The following ST3GAL6 variants were observed in gnomAD, a reference collection of about 807,000 sequenced individuals.
ST3GAL6 encodes the protein ST3 beta-galactoside alpha-2,3-sialyltransferase 6.
ST3GAL6 carries 31 observed loss-of-function variants against 40.5 expected under a neutral mutation model. That is an observed-to-expected ratio of 0.77 (90% CI 0.58 to 1.03). The LOEUF is 1.03. Ranked by LOEUF, ST3GAL6 falls within the 50% of genes least tolerant of loss-of-function variation. The pLI is 0.00. For synonymous variants in ST3GAL6, 129 were observed against 136.9 expected, an observed-to-expected ratio of 0.94 and a Z score of 0.40; for missense variants, 357 against 393.2, an observed-to-expected ratio of 0.91 and a Z score of 0.78.
intron 1 of ST3GAL6, chr3:98,756,562 A>C: frequency 1.6e-6 from 2 of 1,214,980 alleles, no homozygotes; most frequent in East Asian, 5.7e-5. Flanking sequence ...CAACACCACC[A>C]TTGTCTCAAA....
chr3:98,778,539 G>C (rs1939768621), intron 5 of ST3GAL6, among the ~76,000 whole-genome samples: 1 of 152,210 alleles, frequency 6.6e-6, no homozygotes, highest in African/African-American at 2.4e-5. Context: ...CATTTGTGGT[G>C]AATATGCAGA....
At chr3:98,756,529 T>G in intron 1 of ST3GAL6, 1 of 1,263,676 alleles carries the variant, frequency 7.9e-7, no homozygotes, top group Non-Finnish European at 1.0e-6. Context: ...ACACAGATTC[T>G]TAAAAGTGCA....
intron 3 of ST3GAL6, 47 bp from the exon 4 acceptor site, chr3:98,772,766 A>C: frequency 7.6e-7 from 1 of 1,312,408 alleles, no homozygotes; most frequent in Non-Finnish European, 1.1e-6. Flanking sequence ...AAAGCTTGCA[A>C]ATATAGTAGG....
At chr3:98,746,696 AT>A (rs889688623) in intron 1 of ST3GAL6, among the ~76,000 whole-genome samples, 1 of 152,016 alleles carries the variant, frequency 6.6e-6, no homozygotes, top group African/African-American at 2.4e-5. Flanking sequence ...TATTTTTTTA[AT>A]TTTTAAAAAT....
rs1294579662 is a variant in ST3GAL6, at chr3:98,791,990, T to A, written c.906T>A (p.Asn302Lys). The A allele has an allele frequency of 6.2e-7, 1 of 1,612,802 alleles. No homozygotes were observed. Among genetic ancestry groups the A allele is most frequent in the African/African-American group, 1.3e-5 (1 of 74,888 alleles). Residue 302 changes from asparagine to lysine, a missense_variant, in exon 9 of 10, where the codon AAT becomes AAA. Transcript: ENST00000483910. ...GGAATGCCACCATGTCTTTGATGAA[T>A]AAGGTAATATACTGTACTTTAGGTA... Reference protein sequence around the residue: ...YYGNATMSLMNKNAYHNVTAE... With the variant: ...YYGNATMSLMKKNAYHNVTAE...
intron 3 of ST3GAL6, 136 bp downstream of exon 3, chr3:98,771,092 G>C (rs558168189): frequency 2.7e-6 from 4 of 1,502,682 alleles, no homozygotes; most frequent in Middle Eastern, 3.4e-4. Context: ...GGAAGAGCTT[G>C]AATATCCTGT....
chr3:98,738,971 A>G (rs1424739149), intron 1 of ST3GAL6, among the ~76,000 whole-genome samples: 2 of 152,236 alleles, frequency 1.3e-5, no homozygotes, highest in African/African-American at 4.8e-5. Context: ...TCCTCAGCAA[A>G]TTCAAAAAAA....
At chr3:98,732,785 G>T (rs965441950) in intron 1 of ST3GAL6, 103 of 1,363,554 alleles carry the variant, frequency 7.6e-5, no homozygotes, top group Non-Finnish European at 9.2e-5. Flanking sequence ...AGATCCGCGG[G>T]GAAGGAATCG....
At chr3:98,742,613 GGAT>G (rs1445935072) in intron 1 of ST3GAL6, among the ~76,000 whole-genome samples, 1 of 152,028 alleles carries the variant, frequency 6.6e-6, no homozygotes, top group Non-Finnish European at 1.5e-5. Context: ...TATCACTCAT[GGAT>G]TTGCCTATAG....
At chr3:98,770,814 A>G (rs1408635479) in intron 2 of ST3GAL6, 65 bp from the exon 3 acceptor site, 1 of 1,414,328 alleles carries the variant, frequency 7.1e-7, no homozygotes, top group Non-Finnish European at 1.0e-6. Context: ...TTCCCAGGGC[A>G]TTTGCTTCCC....
upstream of ST3GAL6, chr3:98,763,249 A>G: frequency 4.8e-6 from 6 of 1,241,178 alleles, no homozygotes; most frequent in Non-Finnish European, 6.2e-6. Flanking sequence ...ACTGCAGATT[A>G]TAATCACAAA....
intron 1 of ST3GAL6, among the ~76,000 whole-genome samples, chr3:98,750,685 T>G (rs921625663): frequency 1.3e-5 from 2 of 152,124 alleles, no homozygotes; most frequent in African/African-American, 4.8e-5. Flanking sequence ...CAATGGCTAT[T>G]AAAGTTTGTT....
chr3:98,752,571 A>C (rs1017360980), intron 1 of ST3GAL6, among the ~76,000 whole-genome samples: 4 of 152,026 alleles, frequency 2.6e-5, no homozygotes, highest in Non-Finnish European at 5.9e-5. Flanking sequence ...TCCTGGGTTC[A>C]TGCCATTCTC....
chr3:98,776,618 C>A (rs1939576063), intron 5 of ST3GAL6, among the ~76,000 whole-genome samples: 1 of 152,194 alleles, frequency 6.6e-6, no homozygotes, highest in Non-Finnish European at 1.5e-5. Flanking sequence ...CCTTTTTCTG[C>A]TTTCTTTACT....
rs760144900 is a variant in ST3GAL6 at position 98,770,858 on chromosome 3, GAC to G, written c.90-19_90-18del. The G allele has an allele frequency of 6.2e-7, 1 of 1,611,908 alleles. No individual in the cohort carries two copies. Among genetic ancestry groups the G allele is most frequent in the Non-Finnish European group, 8.5e-7 (1 of 1,178,174 alleles). ...GGGTGCCCGATTCTGGTTTCTGACT[GAC>G]ATTATTTTTGTCTCATAGGGTGGCA... On this transcript the variant is annotated intron_variant, in intron 2 of 9. Coordinates refer to ENST00000483910, the MANE Select transcript of ST3GAL6 (RefSeq NM_001323368.2).
intron 1 of ST3GAL6, among the ~76,000 whole-genome samples, chr3:98,749,934 T>G (rs1936857773): frequency 6.6e-6 from 1 of 152,176 alleles, no homozygotes; most frequent in Admixed American, 6.5e-5. Flanking sequence ...TTTAAGAAAT[T>G]CTTATAGTTT....
In ST3GAL6 at chr3:98,732,905, A is replaced by T. The variant is rs994202387; in HGVS notation, c.-12+373A>T. 1.7e-4 allele frequency: 262 copies of T among 1,508,158 alleles called. 2 individuals are homozygous for T. In the East Asian group the frequency reaches 6.9e-3, roughly 40 times the overall value. The allele number at this position is 1,508,158 out of a possible 1,614,324, so 93.4% of individuals were successfully genotyped here. A position where few individuals can be genotyped will look rare whatever the true frequency, so the allele number is the denominator to read the frequency against. On this transcript the variant is annotated intron_variant, in intron 1 of 9. Transcript: ENST00000265261. Reference sequence around the variant, plus strand: ...GAGAGAGGCAGCAGCCGGCTGGAGCAGCGGCCCCTCAGGTCTCGGAGCCCG... The same window carrying T: ...GAGAGAGGCAGCAGCCGGCTGGAGCTGCGGCCCCTCAGGTCTCGGAGCCCG...
At chr3:98,791,353 T>C (rs1349337422) in intron 8 of ST3GAL6, among the ~76,000 whole-genome samples, 1 of 152,218 alleles carries the variant, frequency 6.6e-6, no homozygotes, top group Non-Finnish European at 1.5e-5. Context: ...CTAGAGTTAG[T>C]TTAAATGGTG....
intron 1 of ST3GAL6, chr3:98,732,771 C>G: frequency 4.6e-6 from 6 of 1,293,984 alleles, no homozygotes; most frequent in East Asian, 2.9e-5. Flanking sequence ...TCTGCTCCCC[C>G]GCCAGATCCG....
Sources: allele counts gnomAD v4.1 joint callset (sites outside exome capture counted in the v4.1 genomes callset), GRCh38; gene constraint gnomAD v4.1.1; transcripts MANE v1.5; gene names NCBI Gene and HGNC (gene_info 2026-07-23, HGNC 2026-07-21).